The following MLLT1 variants were observed in gnomAD, a reference collection of about 807,000 sequenced individuals.
MLLT1 encodes MLLT1 super elongation complex subunit.
In MLLT1, 11 loss-of-function variants were observed where a neutral mutation model predicts 55.1. The ratio of observed to expected loss-of-function variants is 0.20; its 90% confidence interval spans 0.13 to 0.33. The LOEUF is 0.33. Among genes scored for constraint, MLLT1 ranks in the 10% least tolerant of loss-of-function variants. The pLI is 1.00. For missense variants in MLLT1, 536 were observed against 760.6 expected (o/e 0.70, Z 3.47); for synonymous variants, 323 against 320.1 (o/e 1.01, Z -0.10).
chr19:6,257,554 AC>A (rs947708613), intron 3 of MLLT1, among the ~76,000 whole-genome samples: 28 of 152,380 alleles, frequency 1.8e-4, no homozygotes, highest in African/African-American at 6.7e-4. Flanking sequence ...TAATCCCAGC[AC>A]TTTGGGAGGC....
chr19:6,268,338 C>G (rs1020983831), intron 2 of MLLT1, among the ~76,000 whole-genome samples: 1 of 152,226 alleles, frequency 6.6e-6, no homozygotes, highest in African/African-American at 2.4e-5. Context: ...GGGATAAATT[C>G]TAACCCTTCA....
rs1014782743 is a variant in MLLT1 at position 6,212,275 on chromosome 19, A to T, written c.*767T>A. 1.2e-5 allele frequency: 13 copies of T among 1,065,346 alleles called. No individual in the cohort carries two copies. The highest frequency in any genetic ancestry group is 1.5e-5 in the Non-Finnish European group (13 of 879,206). 66.0% of individuals were successfully genotyped at this position (1,065,346 alleles called of 1,614,324 possible). A position where few individuals can be genotyped will look rare whatever the true frequency, so the allele number is the denominator to read the frequency against. On this transcript the variant is annotated 3_prime_UTR_variant, in exon 12 of 12. Transcript: ENST00000252674. Reference sequence around the variant, plus strand: ...TGACCCCCCCGGGAGCCCCGGTAGGAGGCGGCGGCATCCTTGGAACGGCAA... The same window carrying T: ...TGACCCCCCCGGGAGCCCCGGTAGGTGGCGGCGGCATCCTTGGAACGGCAA...
chr19:6,227,244 T>G lies in MLLT1; in HGVS notation c.421-142A>C. 6.0e-6 allele frequency: 5 copies of G among 829,662 alleles called. No individual in the cohort carries two copies. Among genetic ancestry groups the G allele is most frequent in the East Asian group, 3.2e-5 (1 of 31,156 alleles). The allele number at this position is 829,662 out of a possible 1,614,324, so 51.4% of individuals were successfully genotyped here. On this transcript the variant is annotated intron_variant, in intron 4 of 11. Transcript: ENST00000252674. This position sits in a 1 kb window ranked among gnomAD's most constrained non-coding sequence, Gnocchi z 5.1. ...GCTTTCCCGAAAGAATCCCAGGTGC[T>G]TCCCTGCTGGGGACTGGGTGCTGAG...
Position 6,270,876 on chromosome 19 carries a change from C to T in MLLT1, c.13-117G>A. The T allele has an allele frequency of 1.0e-6, 1 of 971,688 alleles. No individual in the cohort carries two copies. The highest frequency in any genetic ancestry group is 1.5e-6 in the Non-Finnish European group (1 of 674,296). 60.2% of individuals were successfully genotyped at this position (971,688 alleles called of 1,614,324 possible). On this transcript the variant is annotated intron_variant, in intron 1 of 11. Transcript: ENST00000252674. This position sits in a 1 kb window ranked among gnomAD's most constrained non-coding sequence, Gnocchi z 7.1. ...CCCAGCAGTGCAATACGCTCTCAAC[C>T]CAGTGAGCAGCACACAGACGGCTTC...
chr19:6,212,922 G>C lies in MLLT1; in HGVS notation c.*120C>G. The stretch of plus-strand genomic sequence containing the variant: ...GGAAAGTGCAGCGGGCTGTGCGGGC[G>C]AGGACAGGGCTGTCGCTAAGGCAGT... On this transcript the variant is annotated 3_prime_UTR_variant, in exon 12 of 12. Coordinates refer to ENST00000252674, the MANE Select transcript of MLLT1 (RefSeq NM_005934.4). The C allele has an allele frequency of 2.3e-6, 3 of 1,303,536 alleles. No individual in the cohort carries two copies. The highest frequency in any genetic ancestry group is 3.2e-6 in the Non-Finnish European group (3 of 952,266). The allele number at this position is 1,303,536 out of a possible 1,614,324, so 80.7% of individuals were successfully genotyped here.
At chr19:6,255,163 G>T (rs1035587093) in intron 3 of MLLT1, among the ~76,000 whole-genome samples, 5 of 152,162 alleles carry the variant, frequency 3.3e-5, no homozygotes, top group African/African-American at 1.2e-4. Context: ...AATTAGGAAA[G>T]AATTCCATTT....
intron 1 of MLLT1, among the ~76,000 whole-genome samples, chr19:6,278,815 T>G: frequency 6.6e-6 from 1 of 151,182 alleles, no homozygotes; most frequent in Non-Finnish European, 1.5e-5. Flanking sequence ...GGTCTGAAGG[T>G]GAAAGAGACA....
chr19:6,267,188 G>T (rs186008785), intron 2 of MLLT1, among the ~76,000 whole-genome samples: 1 of 152,066 alleles, frequency 6.6e-6, no homozygotes, highest in East Asian at 1.9e-4. Context: ...TGCAACCTCT[G>T]CATCCTGGGT....
At chr19:6,277,756 C>A (rs188026543) in intron 1 of MLLT1, among the ~76,000 whole-genome samples, 19 of 152,328 alleles carry the variant, frequency 1.2e-4, no homozygotes, top group African/African-American at 3.6e-4. Context: ...AGGGGCCATA[C>A]CCTATGCCTC....
chr19:6,222,417 G>T lies in MLLT1; in HGVS notation c.814C>A (p.Pro272Thr). The change falls in exon 6 of 12, where the codon CCC becomes ACC. Residue 272 changes from proline to threonine, a missense_variant. Transcript: ENST00000252674. The surrounding 1 kb of genome is among the most constrained non-coding windows in gnomAD (Gnocchi z 4.1). ...KLESTSPKGG[P>T]PPPPPPPPRA... The stretch of plus-strand genomic sequence containing the variant: ...GGTGGGGGTGGGGGTGGGGGTGGGG[G>T]CCCACCCTTGGGGGACGTGCTTTCC... The T allele has an allele frequency of 1.9e-6, 1 of 524,260 alleles. No individual in the cohort carries two copies. Among genetic ancestry groups the T allele is most frequent in the East Asian group, 7.1e-5 (1 of 14,154 alleles). The allele number at this position is 524,260 out of a possible 1,614,324, so 32.5% of individuals were successfully genotyped here.
rs1303036655 is a variant in MLLT1, at chr19:6,262,129, C to A, written c.276+99G>T. The stretch of plus-strand genomic sequence containing the variant: ...ACTCACTGGAATGTCTGTGCATGGG[C>A]AGCGGCCAGTTCTCTGGCCTGTTTT... On this transcript the variant is annotated intron_variant, in intron 3 of 11. Coordinates refer to ENST00000252674, the MANE Select transcript of MLLT1 (RefSeq NM_005934.4). The surrounding 1 kb of genome is among the most constrained non-coding windows in gnomAD (Gnocchi z 4.4). 3 of 887,774 alleles carry A rather than the reference C, an allele frequency of 3.4e-6. No homozygotes were observed. The East Asian group carries it at 7.3e-5, about 22-fold the overall frequency. The allele number at this position is 887,774 out of a possible 1,614,324, so 55.0% of individuals were successfully genotyped here. A position where few individuals can be genotyped will look rare whatever the true frequency, so the allele number is the denominator to read the frequency against.
rs967722779 is a variant in MLLT1 at position 6,279,918 on chromosome 19, C to CCGCCCGCT, written c.-142_-135dup. Reference sequence around the variant, plus strand: ...CCGCCGCCGCCGCCGCCGATCCCGGCCGCCCGCTCGCCCGCCAGCCCCGCG... The same window carrying CCGCCCGCT: ...CCGCCGCCGCCGCCGCCGATCCCGGCCGCCCGCTCGCCCGCTCGCCCGCCAGCCCCGCG... On this transcript the variant is annotated 5_prime_UTR_variant, in exon 1 of 12. Transcript: ENST00000252674. 3.0e-5 allele frequency: 5 copies of CCGCCCGCT among 166,790 alleles called. No individual in the cohort carries two copies. Among genetic ancestry groups the CCGCCCGCT allele is most frequent in the African/African-American group, 9.7e-5 (4 of 41,364 alleles). The allele number at this position is 166,790 out of a possible 1,614,324, so 10.3% of individuals were successfully genotyped here. A position where few individuals can be genotyped will look rare whatever the true frequency, so the allele number is the denominator to read the frequency against.
Position 6,264,140 on chromosome 19 carries a change from G to A in MLLT1, c.194-1830C>T, listed in dbSNP as rs551315679. Among the ~76,000 whole-genome samples the A allele has an allele frequency of 3.3e-5, 5 of 151,988 alleles. No individual in the cohort carries two copies. The South Asian group carries it at 8.3e-4, about 25-fold the overall frequency. On this transcript the variant is annotated intron_variant, in intron 2 of 11. Coordinates refer to ENST00000252674, the MANE Select transcript of MLLT1 (RefSeq NM_005934.4). ...TGTGTAAATTACATCTCCATAAAGCGGTTATTAAAAAAAAACAAAAGGGCA... is the reference window on the plus strand; with the variant it reads ...TGTGTAAATTACATCTCCATAAAGCAGTTATTAAAAAAAAACAAAAGGGCA...
intron 3 of MLLT1, among the ~76,000 whole-genome samples, chr19:6,238,506 C>G (rs1208776347): frequency 2.0e-5 from 3 of 152,340 alleles, no homozygotes; most frequent in African/African-American, 7.2e-5. Flanking sequence ...TGGGGGGCGG[C>G]TGCTCTGCCA....
In MLLT1 at chr19:6,222,755, G is replaced by T. The variant is rs1456378183; in HGVS notation, c.547-71C>A. On this transcript the variant is annotated intron_variant, in intron 5 of 11. Transcript: ENST00000252674. This position sits in a 1 kb window ranked among gnomAD's most constrained non-coding sequence, Gnocchi z 4.1. ...GTGGCATTGCGGGGCGCCCTGCTCC[G>T]CCACCCCTGACCCCTACAAAGCATA... The T allele has an allele frequency of 7.6e-7, 1 of 1,317,880 alleles. No homozygotes were observed. The highest frequency in any genetic ancestry group is 1.0e-6 in the Non-Finnish European group (1 of 981,528). The allele number at this position is 1,317,880 out of a possible 1,614,324, so 81.6% of individuals were successfully genotyped here. A position where few individuals can be genotyped will look rare whatever the true frequency, so the allele number is the denominator to read the frequency against.
Position 6,256,933 on chromosome 19 carries a change from G to A in MLLT1, c.276+5295C>T, listed in dbSNP as rs1015529712. The stretch of plus-strand genomic sequence containing the variant: ...GCTCTAACACCACTCGATGGCGAAA[G>A]AACAGTCTCTTCAGTGAACGGTGCT... On this transcript the variant is annotated intron_variant, in intron 3 of 11. Coordinates refer to ENST00000252674, the MANE Select transcript of MLLT1 (RefSeq NM_005934.4). The surrounding 1 kb of genome is among the most constrained non-coding windows in gnomAD (Gnocchi z 4.1). Among the ~76,000 whole-genome samples, 4 of 152,280 alleles carry A rather than the reference G, an allele frequency of 2.6e-5. No homozygotes were observed. The East Asian group carries it at 5.8e-4, about 22-fold the overall frequency.
intron 3 of MLLT1, among the ~76,000 whole-genome samples, chr19:6,238,760 T>A (rs1568284543): frequency 6.6e-6 from 1 of 151,504 alleles, no homozygotes; most frequent in Non-Finnish European, 1.5e-5. Context: ...GCAAACACCT[T>A]CTCCGCCAGG....
At position 6,239,520 on chromosome 19, in the gene MLLT1, G is replaced by C. The variant is rs571127061; in HGVS notation, c.277-8807C>G. 2.0e-5 allele frequency among the ~76,000 whole-genome samples: 3 copies of C among 152,278 alleles called. No homozygotes were observed. The East Asian group carries it at 5.8e-4, about 29-fold the overall frequency. On this transcript the variant is annotated intron_variant, in intron 3 of 11. Coordinates refer to ENST00000252674, the MANE Select transcript of MLLT1 (RefSeq NM_005934.4). The stretch of plus-strand genomic sequence containing the variant: ...ACGGGCAGGGAGTTCAGAGGTGTGA[G>C]TCACACTCACGCCCACACATGCACA...
rs1013466662 is a variant in MLLT1, at chr19:6,235,781, C to T, written c.277-5068G>A. 6.6e-5 allele frequency among the ~76,000 whole-genome samples: 10 copies of T among 152,192 alleles called. No individual in the cohort carries two copies. Among genetic ancestry groups the T allele is most frequent in the Non-Finnish European group, 7.4e-5 (5 of 68,022 alleles). On this transcript the variant is annotated intron_variant, in intron 3 of 11. Transcript: ENST00000252674. The surrounding 1 kb of genome is among the most constrained non-coding windows in gnomAD (Gnocchi z 5.5). ...GCTCACCCTAGCCCACCAATGGCCT[C>T]GATGAGCCTGGAGGAGGCTCCACAT...
Sources: gnomAD v4.1 joint callset for allele counts (sites outside exome capture counted in the v4.1 genomes callset) on GRCh38, gnomAD v4.1.1 for gene constraint, Gnocchi (gnomAD v3.1) non-coding constraint, MANE v1.5 for transcripts, NCBI Gene and HGNC (gene_info 2026-07-23, HGNC 2026-07-21) for gene names.